The following ARFGEF3 variants were observed in gnomAD, a reference collection of about 807,000 sequenced individuals.
ARFGEF3 encodes the protein ARFGEF family member 3.
Under a neutral mutation model 221.7 loss-of-function variants are expected in ARFGEF3, and 96 were observed. The observed-to-expected ratio is 0.43, with a 90% CI of 0.37 to 0.51. ARFGEF3 has a LOEUF of 0.51. Among genes scored for constraint, ARFGEF3 ranks in the 20% least tolerant of loss-of-function variants. The pLI is 0.00. For missense variants in ARFGEF3, 2,410 were observed against 2,789.9 expected, an observed-to-expected ratio of 0.86 and a Z score of 3.07; for synonymous variants, 1,145 against 1,126.8, an observed-to-expected ratio of 1.02 and a Z score of -0.32.
At chr6:138,169,716 C>A (rs1005144126) in intron 1 of ARFGEF3, among the ~76,000 whole-genome samples, 1 of 152,184 alleles carries the variant, frequency 6.6e-6, no homozygotes, top group Non-Finnish European at 1.5e-5. Flanking sequence ...AACCAAGAAC[C>A]CTGCTGAACT....
rs1780277212 is a variant in ARFGEF3 at position 138,334,151 on chromosome 6, G to T, written c.5305G>T (p.Val1769Phe). ...ATACATCTCTATGCAGAACTTGGCA[G>T]TCATATTCGACCTGCTGCTGGACTC... ...LRYISMQNLAVIFDLLLDSYR... is the reference protein window; with the variant it reads ...LRYISMQNLAFIFDLLLDSYR... Residue 1769 changes from valine to phenylalanine, a missense_variant, in exon 33 of 34, where the codon GTC becomes TTC. This residue lies in a region of ARFGEF3 where 723 missense variants were observed against 991.9 expected (regional missense o/e 0.73). Transcript: ENST00000251691. The surrounding 1 kb of genome is among the most constrained non-coding windows in gnomAD (Gnocchi z 5.1). 6.2e-7 allele frequency: 1 copy of T among 1,613,862 alleles called. No homozygotes were observed. The highest frequency in any genetic ancestry group is 1.3e-5 in the African/African-American group (1 of 74,922).
rs544089153 is a variant in ARFGEF3, at chr6:138,334,829, GAGA to G, written c.5989_5991del (p.Lys1997del). ...GCTGCTGCCCCCCAGCCCCAAAGTG[GAGA>G]AGAAGGATCCCAGCCGGAAGAAGGA... is the stretch of plus-strand genomic sequence containing the variant. On this transcript the variant is annotated inframe_deletion, in exon 33 of 34. Coordinates refer to ENST00000251691, the MANE Select transcript of ARFGEF3 (RefSeq NM_020340.5). This position sits in a 1 kb window ranked among gnomAD's most constrained non-coding sequence, Gnocchi z 5.1. 2.9e-4 allele frequency: 465 copies of G among 1,600,632 alleles called. 3 individuals carry two copies. In the African/African-American group the frequency reaches 5.7e-3, roughly 19 times the overall value.
chr6:138,226,872 C>G (rs996764512), intron 4 of ARFGEF3, among the ~76,000 whole-genome samples: 1 of 152,192 alleles, frequency 6.6e-6, no homozygotes, highest in Non-Finnish European at 1.5e-5. Flanking sequence ...TGGCTAGATG[C>G]TCTGCCCTTA....
At position 138,262,848 on chromosome 6, in the gene ARFGEF3, T is replaced by C. The variant is rs1562371805; in HGVS notation, c.1365T>C (p.Leu455=). 1 of 1,613,984 alleles carries C rather than the reference T, an allele frequency of 6.2e-7. No individual in the cohort carries two copies. Among genetic ancestry groups the C allele is most frequent in the East Asian group, 2.2e-5 (1 of 44,854 alleles). The change falls in exon 12 of 34, where the codon CTT becomes CTC. Residue 455 remains leucine (L), a synonymous_variant. Coordinates refer to ENST00000251691, the MANE Select transcript of ARFGEF3 (RefSeq NM_020340.5). ...GCGAAGGTCAGGTGCAACTGCTGCT[T>C]CTGCGCCTTGAGGAGCTGAAGGATG... ...GLSEGQVQLL[L]LRLEELKDGA...
intron 1 of ARFGEF3, among the ~76,000 whole-genome samples, chr6:138,164,002 C>T (rs545835262): frequency 2.0e-5 from 3 of 152,192 alleles, no homozygotes; most frequent in African/African-American, 4.8e-5. Flanking sequence ...TCCTTCTTTC[C>T]GTCGCTTCTT....
chr6:138,334,395 A>T lies in ARFGEF3; in HGVS notation c.5549A>T (p.Asp1850Val), dbSNP rs1334057584. 1.9e-6 allele frequency: 3 copies of T among 1,613,068 alleles called. No homozygotes were observed. The South Asian group carries it at 3.3e-5, about 18-fold the overall frequency. ...TTTGAGGACGACGAGAGAAGCACGG[A>T]TTCTTCCCAGCAGTGTTCATCTGAG... ...VLFEDDERSTDSSQQCSSEDE... is the reference protein window; with the variant it reads ...VLFEDDERSTVSSQQCSSEDE... The change falls in exon 33 of 34, where the codon GAT (aspartate) becomes GTT (valine). Residue 1850 changes from aspartate to valine, a missense_variant. Asp to Val is a radical substitution (Grantham distance 152). Coordinates refer to ENST00000251691, the MANE Select transcript of ARFGEF3 (RefSeq NM_020340.5). This position sits in a 1 kb window ranked among gnomAD's most constrained non-coding sequence, Gnocchi z 5.1.
intron 4 of ARFGEF3, among the ~76,000 whole-genome samples, chr6:138,222,903 A>T (rs1216677566): frequency 6.6e-6 from 1 of 152,124 alleles, no homozygotes; most frequent in African/African-American, 2.4e-5. Flanking sequence ...AGTGTCTATT[A>T]TACCACTCTG....
intron 17 of ARFGEF3, among the ~76,000 whole-genome samples, chr6:138,288,566 G>C (rs1779339949): frequency 6.6e-6 from 1 of 152,060 alleles, no homozygotes; most frequent in South Asian, 2.1e-4. Flanking sequence ...GTGGGTGCCT[G>C]TAATCCCAGC....
At chr6:138,226,810 C>T (rs1053987026) in intron 4 of ARFGEF3, among the ~76,000 whole-genome samples, 4 of 152,158 alleles carry the variant, frequency 2.6e-5, no homozygotes, top group Admixed American at 2.6e-4. Flanking sequence ...ACATGCTAAG[C>T]ATTGGGAGCA....
intron 8 of ARFGEF3, among the ~76,000 whole-genome samples, chr6:138,247,060 G>A (rs1004140497): frequency 6.6e-6 from 1 of 152,102 alleles, no homozygotes; most frequent in East Asian, 1.9e-4. Flanking sequence ...AAAAGAAATA[G>A]CACTTAACTT....
intron 23 of ARFGEF3, among the ~76,000 whole-genome samples, 184 bp downstream of exon 23, chr6:138,307,581 G>C (rs1779748784): frequency 6.6e-6 from 1 of 152,236 alleles, no homozygotes. Flanking sequence ...AGAGCCCTGA[G>C]CATTGTCAGG....
rs2114493579 is a variant in ARFGEF3 at position 138,207,048 on chromosome 6, A to G, written c.144A>G (p.Lys48=). The change falls in exon 3 of 34, where the codon AAA becomes AAG. Residue 48 remains lysine, a synonymous_variant. Transcript: ENST00000251691. Reference sequence around the variant, plus strand: ...TTATTTTTGTGTTTGCCAGGGAGAAATGCCTGCTGCCTCTCCAGTTGGCTT... The same window carrying G: ...TTATTTTTGTGTTTGCCAGGGAGAAGTGCCTGCTGCCTCTCCAGTTGGCTT... ...VKIPPHVLRE[K]CLLPLQLALE... 6.2e-7 allele frequency: 1 copy of G among 1,608,666 alleles called. No homozygotes were observed. Among genetic ancestry groups the G allele is most frequent in the Non-Finnish European group, 8.5e-7 (1 of 1,177,654 alleles).
Position 138,337,403 on chromosome 6 carries a change from T to C in ARFGEF3, c.*917T>C, listed in dbSNP as rs140134880. The C allele has an allele frequency of 6.5e-6, 1 of 152,770 alleles. No individual in the cohort carries two copies. The highest frequency in any genetic ancestry group is 1.9e-4 in the East Asian group (1 of 5,190). 9.5% of individuals were successfully genotyped at this position (152,770 alleles called of 1,614,324 possible). ...CCCACAATTGTCTGAACATAAGGTATAGCATTTGGTTTTTAAGAAAACAAA... is the reference window on the plus strand; with the variant it reads ...CCCACAATTGTCTGAACATAAGGTACAGCATTTGGTTTTTAAGAAAACAAA... On this transcript the variant is annotated 3_prime_UTR_variant, in exon 34 of 34. Transcript: ENST00000251691.
Position 138,207,572 on chromosome 6 carries a change from A to T in ARFGEF3, c.219+449A>T, listed in dbSNP as rs538471366. ...ATTGATGAATGGATTATTATCTTTT[A>T]TGTCCAGAGCAAGACTAGGAAGAAA... On this transcript the variant is annotated intron_variant, in intron 3 of 33. Transcript: ENST00000251691. Among the ~76,000 whole-genome samples, 5 of 152,330 alleles carry T rather than the reference A, an allele frequency of 3.3e-5. No individual in the cohort carries two copies. In the South Asian group the frequency reaches 6.2e-4, roughly 19 times the overall value.
intron 1 of ARFGEF3, among the ~76,000 whole-genome samples, chr6:138,166,374 T>G (rs1426283612): frequency 6.6e-6 from 1 of 152,228 alleles, no homozygotes; most frequent in Non-Finnish European, 1.5e-5. Context: ...TTGGAGTCTT[T>G]CCCTTTGCAA....
chr6:138,204,893 A>T (rs528519849), intron 2 of ARFGEF3, among the ~76,000 whole-genome samples: 151 of 152,290 alleles, frequency 9.9e-4, no homozygotes, highest in African/African-American at 3.5e-3. Flanking sequence ...TTCATCTACC[A>T]GTCCTGCCTT....
chr6:138,310,736 ATAAT>A (rs961302564), intron 24 of ARFGEF3, among the ~76,000 whole-genome samples: 45 of 152,348 alleles, frequency 3.0e-4, no homozygotes, highest in Middle Eastern at 6.8e-3. Flanking sequence ...AAAAATTATA[ATAAT>A]TCAGTTACAC....
At chr6:138,330,282 T>C (rs917840497) in intron 32 of ARFGEF3, among the ~76,000 whole-genome samples, 12 of 152,084 alleles carry the variant, frequency 7.9e-5, no homozygotes, top group African/African-American at 2.7e-4. Context: ...AATCATGCCC[T>C]TAAGAGACAG....
At position 138,294,020 on chromosome 6, in the gene ARFGEF3, G is replaced by C; in HGVS notation, c.3396G>C (p.Leu1132Phe). 1 of 1,613,922 alleles carries C rather than the reference G, an allele frequency of 6.2e-7. No homozygotes were observed. Among genetic ancestry groups the C allele is most frequent in the Non-Finnish European group, 8.5e-7 (1 of 1,179,840 alleles). ...DRLFEDATDK[L>F]NLMALGGFLY... Reference sequence around the variant, plus strand: ...TCTTTGAAGATGCTACGGATAAGTTGAACCTCATGGCCTTGGGAGGTTTTC... The same window carrying C: ...TCTTTGAAGATGCTACGGATAAGTTCAACCTCATGGCCTTGGGAGGTTTTC... Residue 1132 changes from leucine to phenylalanine, a missense_variant, in exon 20 of 34, where the codon TTG becomes TTC. Leu to Phe is a conservative substitution (Grantham distance 22). This residue lies in a region of ARFGEF3 where 723 missense variants were observed against 991.9 expected (regional missense o/e 0.73). Transcript: ENST00000251691.
Sources: allele counts gnomAD v4.1 joint callset (sites outside exome capture counted in the v4.1 genomes callset), GRCh38; gene constraint gnomAD v4.1.1; regional missense constraint gnomAD v4.1.1; non-coding constraint Gnocchi (gnomAD v3.1); transcripts MANE v1.5; gene names NCBI Gene and HGNC (gene_info 2026-07-23, HGNC 2026-07-21).